Variants in SORCS3 observed in about 807,000 individuals in gnomAD.
SORCS3 encodes VPS10 domain-containing receptor SorCS3.
A neutral mutation model predicts 146.3 loss-of-function variants in SORCS3; 57 were observed. The observed-to-expected ratio is 0.39, with a 90% CI of 0.31 to 0.49. SORCS3 has a LOEUF of 0.49. SORCS3 is among the 20% of genes least tolerant of loss of function. The pLI, the probability that SORCS3 is intolerant of heterozygous loss-of-function variation, is 0.92. For synonymous variants in SORCS3, 653 were observed against 618.5 expected, an observed-to-expected ratio of 1.06 and a Z score of -0.83; for missense variants, 1,341 against 1,575.5, an observed-to-expected ratio of 0.85 and a Z score of 2.52.
intron 21 of SORCS3, 103 bp downstream of exon 21, chr10:105,245,768 T>C: frequency 7.1e-7 from 1 of 1,410,892 alleles, no homozygotes; most frequent in Non-Finnish European, 9.5e-7. Context: ...CCTCAGGCCC[T>C]GGGAAAATTA....
chr10:104,975,767 A>T (rs2054892925), intron 3 of SORCS3, among the ~76,000 whole-genome samples: 1 of 152,204 alleles, frequency 6.6e-6, no homozygotes, highest in Non-Finnish European at 1.5e-5. Context: ...CATATCTACA[A>T]CTATCTGATT....
chr10:104,724,697 ACTT>A (rs2016600587), intron 1 of SORCS3, among the ~76,000 whole-genome samples: 1 of 151,828 alleles, frequency 6.6e-6, no homozygotes, highest in Non-Finnish European at 1.5e-5. Flanking sequence ...TTTTCTCTAA[ACTT>A]CTCTTCTTGC....
intron 1 of SORCS3, among the ~76,000 whole-genome samples, chr10:104,829,901 T>C (rs192926363): frequency 2.0e-5 from 3 of 152,212 alleles, no homozygotes; most frequent in Non-Finnish European, 2.9e-5. Context: ...GATTTTAATT[T>C]TATTTTAAGT....
chr10:105,147,104 C>G (rs1186483702), intron 8 of SORCS3, among the ~76,000 whole-genome samples: 1 of 152,106 alleles, frequency 6.6e-6, no homozygotes, highest in East Asian at 1.9e-4. Context: ...ATTTTCTGCT[C>G]TGATTGAAAC....
At chr10:104,906,437 G>A (rs576211212) in intron 2 of SORCS3, among the ~76,000 whole-genome samples, 17 of 152,292 alleles carry the variant, frequency 1.1e-4, no homozygotes, top group African/African-American at 3.8e-4. Flanking sequence ...GCTGCTGTTT[G>A]CCCAGAAATG....
intron 14 of SORCS3, among the ~76,000 whole-genome samples, chr10:105,186,135 G>A (rs2056474804): frequency 6.6e-6 from 1 of 152,180 alleles, no homozygotes; most frequent in South Asian, 2.1e-4. Context: ...TCTCTGAGTT[G>A]CAAGCCAGAA....
chr10:105,237,741 T>A (rs2056800868), intron 20 of SORCS3, among the ~76,000 whole-genome samples: 1 of 152,192 alleles, frequency 6.6e-6, no homozygotes, highest in Admixed American at 6.5e-5. Context: ...GTACTAATTT[T>A]GAGCATATAT....
chr10:104,739,850 T>C (rs1325396319), intron 1 of SORCS3, among the ~76,000 whole-genome samples: 1 of 152,182 alleles, frequency 6.6e-6, no homozygotes, highest in Non-Finnish European at 1.5e-5. Context: ...GACAAGGAAT[T>C]CACCCACCTT....
chr10:105,103,534 C>T (rs2055800772), intron 6 of SORCS3, among the ~76,000 whole-genome samples: 1 of 152,146 alleles, frequency 6.6e-6, no homozygotes, highest in Non-Finnish European at 1.5e-5. Context: ...AGAAGGAACA[C>T]AGATGACAAG....
intron 5 of SORCS3, among the ~76,000 whole-genome samples, chr10:105,066,588 G>A (rs1250149603): frequency 6.6e-6 from 1 of 152,110 alleles, no homozygotes; most frequent in Non-Finnish European, 1.5e-5. Flanking sequence ...CCATGTGTGT[G>A]TTAGGCACCC....
chr10:105,156,293 G>T (rs1480262939), intron 9 of SORCS3, among the ~76,000 whole-genome samples: 3 of 152,164 alleles, frequency 2.0e-5, no homozygotes, highest in Non-Finnish European at 4.4e-5. Flanking sequence ...TTTGATGCAG[G>T]ATGTTGTCAT....
At chr10:105,239,435 C>T (rs2056810753) in intron 20 of SORCS3, among the ~76,000 whole-genome samples, 1 of 152,194 alleles carries the variant, frequency 6.6e-6, no homozygotes, top group Admixed American at 6.5e-5. Context: ...ATGTAGGCTG[C>T]ATCCAAAGAT....
At chr10:104,827,208 T>C (rs555601513) in intron 1 of SORCS3, among the ~76,000 whole-genome samples, 5 of 152,330 alleles carry the variant, frequency 3.3e-5, no homozygotes, top group African/African-American at 4.8e-5. Context: ...ACATATGGAA[T>C]AGTGAATCCT....
intron 1 of SORCS3, among the ~76,000 whole-genome samples, chr10:104,656,671 CAAAAA>C (rs1218827513): frequency 2.7e-5 from 4 of 149,242 alleles, no homozygotes; most frequent in Non-Finnish European, 6.0e-5. Flanking sequence ...TAAAAAAAAA[CAAAAA>C]GAAAAAGAAA....
intron 1 of SORCS3, among the ~76,000 whole-genome samples, chr10:104,729,883 A>G (rs2016686455): frequency 6.6e-6 from 1 of 152,214 alleles, no homozygotes; most frequent in African/African-American, 2.4e-5. Context: ...CTGCCAACAG[A>G]CTATGTGTAG....
At chr10:104,761,839 C>G (rs920321511) in intron 1 of SORCS3, among the ~76,000 whole-genome samples, 1 of 152,164 alleles carries the variant, frequency 6.6e-6, no homozygotes, top group African/African-American at 2.4e-5. Flanking sequence ...GAAGCACTTT[C>G]AGGGTTGGGG....
intron 20 of SORCS3, among the ~76,000 whole-genome samples, chr10:105,224,276 A>G (rs2056721370): frequency 6.6e-6 from 1 of 152,136 alleles, no homozygotes; most frequent in African/African-American, 2.4e-5. Context: ...GCAACCACTG[A>G]TATTTTTACT....
chr10:104,687,775 T>A (rs1327091411), intron 1 of SORCS3, among the ~76,000 whole-genome samples: 2 of 152,128 alleles, frequency 1.3e-5, no homozygotes, highest in African/African-American at 4.8e-5. Context: ...ACTCTGGTAG[T>A]TCCAGTCTCA....
intron 1 of SORCS3, among the ~76,000 whole-genome samples, chr10:104,728,480 A>G (rs369107687): frequency 7.0e-4 from 107 of 152,276 alleles, no homozygotes; most frequent in African/African-American, 2.5e-3. Flanking sequence ...GTCAGGGATG[A>G]TAATAGGAAG....
Sources: allele counts gnomAD v4.1 joint callset (sites outside exome capture counted in the v4.1 genomes callset), GRCh38; gene constraint gnomAD v4.1.1; transcripts MANE v1.5; gene names NCBI Gene and HGNC (gene_info 2026-07-23, HGNC 2026-07-21).